The following PAQR5 variants were observed in gnomAD, a reference collection of about 807,000 sequenced individuals.
PAQR5 encodes progestin and adipoQ receptor family member 5, also known as membrane progestin receptor gamma.
A neutral mutation model predicts 34.5 loss-of-function variants in PAQR5; 20 were observed. The ratio of observed to expected loss-of-function variants is 0.58; its 90% CI spans 0.41 to 0.84. The LOEUF (loss-of-function observed/expected upper bound fraction) is 0.84. PAQR5 is among the 40% of genes least tolerant of loss of function. PAQR5 has a pLI of 0.00. For missense variants in PAQR5, 378 were observed against 412.7 expected, an observed-to-expected ratio of 0.92 and a Z score of 0.73; for synonymous variants, 131 against 155.6, an observed-to-expected ratio of 0.84 and a Z score of 1.18.
chr15:69,303,193 G>A (rs976281031), intron 1 of PAQR5, among the ~76,000 whole-genome samples: 19 of 152,174 alleles, frequency 1.2e-4, no homozygotes, highest in African/African-American at 4.1e-4. Context: ...ACCCAGAGGC[G>A]AGGAGTGACT....
chr15:69,387,145 C>CCA (rs1307297123), intron 5 of PAQR5, among the ~76,000 whole-genome samples: 1 of 152,254 alleles, frequency 6.6e-6, no homozygotes, highest in Admixed American at 6.5e-5. Flanking sequence ...ACACCTTCTA[C>CCA]CACATCACCC....
At chr15:69,343,975 A>G (rs976758648) in intron 2 of PAQR5, among the ~76,000 whole-genome samples, 1 of 152,196 alleles carries the variant, frequency 6.6e-6, no homozygotes, top group African/African-American at 2.4e-5. Context: ...CTGGGACCAC[A>G]GGCACATGCC....
At chr15:69,331,128 ATGGGGTGTCTGTCTGTAGCCCCATTG>A (rs2140668285) in intron 1 of PAQR5, among the ~76,000 whole-genome samples, 1 of 152,222 alleles carries the variant, frequency 6.6e-6, no homozygotes, top group African/African-American at 2.4e-5. Context: ...ATAGCCTATG[ATGGGGTGTCTGTCTGTAGCCCCATTG>A]TGGGGTGTCT....
chr15:69,398,130 C>A (rs1046317672), intron 7 of PAQR5, among the ~76,000 whole-genome samples: 3 of 152,152 alleles, frequency 2.0e-5, no homozygotes, highest in Non-Finnish European at 4.4e-5. Flanking sequence ...ACACGGGGAA[C>A]ATGTCAAGTG....
At chr15:69,380,046 C>T (rs536692811) in intron 4 of PAQR5, 36 bp downstream of exon 4, 2 of 1,610,124 alleles carry the variant, frequency 1.2e-6, no homozygotes, top group South Asian at 2.2e-5. Context: ...CTGTCTCCTT[C>T]AGGAGCCCTG....
intron 1 of PAQR5, among the ~76,000 whole-genome samples, chr15:69,313,874 T>C (rs1321743308): frequency 6.6e-6 from 1 of 152,052 alleles, no homozygotes; most frequent in Non-Finnish European, 1.5e-5. Flanking sequence ...TTGCCCCCTC[T>C]CTGCCAGCTG....
chr15:69,358,176 G>A lies in PAQR5; in HGVS notation c.-115-1790G>A, dbSNP rs1281826378. Among the ~76,000 whole-genome samples the A allele has an allele frequency of 3.3e-5, 5 of 151,936 alleles. No homozygotes were observed. In the East Asian group the frequency reaches 9.7e-4, roughly 29 times the overall value. On this transcript the variant is annotated intron_variant, in intron 2 of 8. Transcript: ENST00000395407. Reference sequence around the variant, plus strand: ...TCTGCTCTTCTTTGCTAAATCCAAGGTGTATTTTTCTGTTTCTTGGACCTG... The same window carrying A: ...TCTGCTCTTCTTTGCTAAATCCAAGATGTATTTTTCTGTTTCTTGGACCTG...
intron 1 of PAQR5, among the ~76,000 whole-genome samples, chr15:69,305,074 C>T (rs1288407343): frequency 2.6e-5 from 4 of 152,212 alleles, no homozygotes; most frequent in Non-Finnish European, 2.9e-5. Flanking sequence ...TCAACCTCAG[C>T]ACTATTGACT....
Position 69,320,928 on chromosome 15 carries a change from A to T in PAQR5, c.-276-16413A>T, listed in dbSNP as rs2054080075. 2.0e-5 allele frequency among the ~76,000 whole-genome samples: 3 copies of T among 152,296 alleles called. No individual in the cohort carries two copies. The South Asian group carries it at 6.2e-4, about 32-fold the overall frequency. The stretch of plus-strand genomic sequence containing the variant: ...ACCCTAGTTGGGGAATAGTGAGAAG[A>T]TATATTTGTGTGATATCTTCGAATA... On this transcript the variant is annotated intron_variant, in intron 1 of 8. Coordinates refer to ENST00000395407, the MANE Select transcript of PAQR5 (RefSeq NM_017705.4).
intron 1 of PAQR5, among the ~76,000 whole-genome samples, chr15:69,303,740 G>A (rs1683110007): frequency 6.6e-6 from 1 of 152,130 alleles, no homozygotes; most frequent in African/African-American, 2.4e-5. Flanking sequence ...TGCAGCCAGA[G>A]GCCCAGGGAA....
chr15:69,370,181 C>T (rs1567025258), intron 3 of PAQR5, among the ~76,000 whole-genome samples: 2 of 152,216 alleles, frequency 1.3e-5, no homozygotes, highest in Non-Finnish European at 2.9e-5. Context: ...CTTGGTTCCA[C>T]CAGCTGGGTG....
At chr15:69,352,363 G>A (rs1011741821) in intron 2 of PAQR5, among the ~76,000 whole-genome samples, 2 of 152,222 alleles carry the variant, frequency 1.3e-5, no homozygotes, top group African/African-American at 4.8e-5. Context: ...AAGCCATAAA[G>A]TTGGGCATGC....
intron 5 of PAQR5, among the ~76,000 whole-genome samples, chr15:69,388,112 G>A (rs867071004): frequency 1.4e-4 from 22 of 151,800 alleles, no homozygotes; most frequent in African/African-American, 4.6e-4. Flanking sequence ...TGGGACTCCC[G>A]GCTCCACCCT....
At chr15:69,318,597 C>T (rs903257041) in intron 1 of PAQR5, among the ~76,000 whole-genome samples, 1 of 151,884 alleles carries the variant, frequency 6.6e-6, no homozygotes, top group Non-Finnish European at 1.5e-5. Flanking sequence ...TCCATTCTGC[C>T]TCCTTCTTCT....
intron 2 of PAQR5, among the ~76,000 whole-genome samples, chr15:69,340,978 C>G (rs942114533): frequency 3.3e-5 from 5 of 152,170 alleles, no homozygotes; most frequent in African/African-American, 1.2e-4. Context: ...AAAGCACGTG[C>G]TTTTTAATGA....
intron 6 of PAQR5, among the ~76,000 whole-genome samples, chr15:69,394,249 G>A (rs1358333981): frequency 6.6e-6 from 1 of 151,932 alleles, no homozygotes; most frequent in African/African-American, 2.4e-5. Context: ...CAGTTCAGAG[G>A]GGTGGAGCTG....
At chr15:69,362,978 C>A (rs1356940040) in intron 3 of PAQR5, among the ~76,000 whole-genome samples, 2 of 152,230 alleles carry the variant, frequency 1.3e-5, no homozygotes, top group Admixed American at 6.5e-5. Context: ...TTTCCTCTCC[C>A]CAACCTTTGC....
At chr15:69,365,905 C>T (rs577365884) in intron 3 of PAQR5, among the ~76,000 whole-genome samples, 1 of 152,322 alleles carries the variant, frequency 6.6e-6, no homozygotes, top group East Asian at 1.9e-4. Flanking sequence ...CTTGGCCCTA[C>T]AGCTGAATTT....
intron 2 of PAQR5, among the ~76,000 whole-genome samples, chr15:69,339,840 G>T (rs937561467): frequency 6.6e-6 from 1 of 151,932 alleles, no homozygotes; most frequent in Non-Finnish European, 1.5e-5. Flanking sequence ...ATGGCTCTTC[G>T]TAATCAATAC....
Sources: gnomAD v4.1 joint callset for allele counts (sites outside exome capture counted in the v4.1 genomes callset) on GRCh38, gnomAD v4.1.1 for gene constraint, MANE v1.5 for transcripts, NCBI Gene and HGNC (gene_info 2026-07-23, HGNC 2026-07-21) for gene names.